The following CACNA1H variants were observed in gnomAD, a reference collection of about 807,000 sequenced individuals.
CACNA1H encodes the protein calcium voltage-gated channel subunit alpha1 H.
Under a neutral mutation model 192.5 loss-of-function variants are expected in CACNA1H, and 149 were observed. The observed-to-expected ratio is 0.77, with a 90% CI of 0.68 to 0.89. The LOEUF is 0.89. CACNA1H is among the 40% of genes least tolerant of loss of function. The probability of loss-of-function intolerance (pLI) is 0.00; values close to 1 mark genes in which losing one functional copy is unlikely to be tolerated. For synonymous variants in CACNA1H, 2,202 were observed against 1,475.2 expected (o/e 1.49, Z -11.29); for missense variants, 4,257 against 3,423.5 (o/e 1.24, Z -6.08).
chr16:1,216,278 C>T lies in CACNA1H; in HGVS notation c.5245-654C>T, dbSNP rs115920795. ...CTGTCCCCACTCACCCTGTCCTCAGCGGCGTGCCTAGCTTCGTCCAAGTAA... is the reference window on the plus strand; with the variant it reads ...CTGTCCCCACTCACCCTGTCCTCAGTGGCGTGCCTAGCTTCGTCCAAGTAA... On this transcript the variant is annotated intron_variant, in intron 30 of 34. Coordinates refer to ENST00000348261, the MANE Select transcript of CACNA1H (RefSeq NM_021098.3). Among the ~76,000 whole-genome samples the T allele has an allele frequency of 6.8e-3, 1,031 of 152,354 alleles. 13 individuals are homozygous for T. Among genetic ancestry groups the T allele is most frequent in the African/African-American group, 0.024 (978 of 41,576 alleles).
intron 30 of CACNA1H, among the ~76,000 whole-genome samples, chr16:1,216,492 C>T (rs984917754): frequency 2.6e-5 from 4 of 152,062 alleles, no homozygotes; most frequent in Admixed American, 2.0e-4. Context: ...GCCCACCTGC[C>T]GGGACCCCTC....
At position 1,220,451 on chromosome 16, in the gene CACNA1H, T is replaced by C. The variant is rs1970393398; in HGVS notation, c.6519T>C (p.Pro2173=). The change falls in exon 35 of 35, where the codon CCT becomes CCC. Residue 2173 remains proline (P), a synonymous_variant. Transcript: ENST00000348261. Reference sequence around the variant, plus strand: ...CTGGGGAGGCGAAGGCCTGGGGCCCTGAGGCCGAGCCCGCTCTGGGTGCGC... The same window carrying C: ...CTGGGGAGGCGAAGGCCTGGGGCCCCGAGGCCGAGCCCGCTCTGGGTGCGC... ...GEPGEAKAWG[P]EAEPALGARR... is the part of the protein sequence containing the mutation. 3 of 1,539,788 alleles carry C rather than the reference T, an allele frequency of 1.9e-6. No individual in the cohort carries two copies. Among genetic ancestry groups the C allele is most frequent in the Non-Finnish European group, 2.6e-6 (3 of 1,151,944 alleles).
At chr16:1,170,953 C>A (rs1964306824) in intron 2 of CACNA1H, among the ~76,000 whole-genome samples, 1 of 152,200 alleles carries the variant, frequency 6.6e-6, no homozygotes, top group Admixed American at 6.5e-5. Context: ...TGGGGGCCTT[C>A]TGCTCCCCAG....
rs147546950 is a variant in CACNA1H at position 1,203,770 on chromosome 16, G to C, written c.2003-240G>C. Among the ~76,000 whole-genome samples the C allele has an allele frequency of 1.8e-3, 270 of 152,226 alleles. 3 individuals carry two copies. The highest frequency in any genetic ancestry group is 6.4e-3 in the East Asian group (33 of 5,180). ...ATGGCTCTTTGGTTTCTTCTTATTG[G>C]AACAGTCGTGGCTCAGGGCCCTCCC... On this transcript the variant is annotated intron_variant, in intron 9 of 34. Transcript: ENST00000348261.
intron 33 of CACNA1H, 31 bp downstream of exon 33, chr16:1,218,682 G>C (rs1324215161): frequency 2.0e-6 from 3 of 1,506,782 alleles, no homozygotes; most frequent in Non-Finnish European, 2.7e-6. Context: ...ATATGGGCTG[G>C]GTGGGAAGCA....
At chr16:1,203,844 G>T (rs1968311129) in intron 9 of CACNA1H, among the ~76,000 whole-genome samples, 166 bp from the exon 10 acceptor site, 1 of 152,228 alleles carries the variant, frequency 6.6e-6, no homozygotes, top group Non-Finnish European at 1.5e-5. Flanking sequence ...CACCTGCAAA[G>T]ATCCTGCTTT....
rs762976881 is a variant in CACNA1H, at chr16:1,210,984, C to A, written c.4223+13C>A. On this transcript the variant is annotated intron_variant, in intron 21 of 34. Transcript: ENST00000348261. ...TGCGGCCTCTGAGGTGGGGGGCTCCCCGTGGGCTCCCGGGGCAACCTGGAA... is the reference window on the plus strand; with the variant it reads ...TGCGGCCTCTGAGGTGGGGGGCTCCACGTGGGCTCCCGGGGCAACCTGGAA... The A allele has an allele frequency of 1.6e-5, 26 of 1,589,720 alleles. No homozygotes were observed. The highest frequency in any genetic ancestry group is 8.0e-5 in the African/African-American group (6 of 74,698).
At chr16:1,216,798 C>G (rs1447172517) in intron 30 of CACNA1H, 134 bp from the exon 31 acceptor site, 2 of 615,450 alleles carry the variant, frequency 3.2e-6, no homozygotes, top group Non-Finnish European at 5.3e-6. Flanking sequence ...CTTGCTTCCA[C>G]TTGGCCGGGC....
rs765311471 is a variant in CACNA1H, at chr16:1,209,250, G to T, written c.3582G>T (p.Arg1194=). The part of the protein sequence containing the change: ...AAPGPRATPL[R]RAESLDPRPL... Reference sequence around the variant, plus strand: ...CCGGGCCCCGTGCCACCCCACTGCGGCGGGCCGAGTCCCTGGACCCACGGC... The same window carrying T: ...CCGGGCCCCGTGCCACCCCACTGCGTCGGGCCGAGTCCCTGGACCCACGGC... The change falls in exon 17 of 35, where the codon CGG becomes CGT. Residue 1194 remains arginine (R), a synonymous_variant. Coordinates refer to ENST00000348261, the MANE Select transcript of CACNA1H (RefSeq NM_021098.3). The T allele has an allele frequency of 6.5e-7, 1 of 1,544,734 alleles. No individual in the cohort carries two copies. Among genetic ancestry groups the T allele is most frequent in the Non-Finnish European group, 8.7e-7 (1 of 1,147,896 alleles).
Position 1,204,040 on chromosome 16 carries a change from G to A in CACNA1H, c.2033G>A (p.Gly678Asp). 2.5e-6 allele frequency: 4 copies of A among 1,574,912 alleles called. No homozygotes were observed. Among genetic ancestry groups the A allele is most frequent in the Non-Finnish European group, 3.4e-6 (4 of 1,161,172 alleles). ...GLGQAPGHLS[G>D]LSVPCPLPSP... ...GGCCAGGCCCCTGGCCATCTGTCGG[G>A]CCTCAGTGTGCCCTGCCCCCTGCCC... Residue 678 changes from glycine (G) to aspartate (D), a missense_variant, in exon 10 of 35, where the codon GGC becomes GAC. Transcript: ENST00000348261.
intron 31 of CACNA1H, 42 bp from the exon 32 acceptor site, chr16:1,217,877 G>T: frequency 1.3e-6 from 2 of 1,557,496 alleles, no homozygotes; most frequent in East Asian, 2.4e-5. Context: ...GCCTCCACCC[G>T]GAGCGGGCTC....
intron 2 of CACNA1H, among the ~76,000 whole-genome samples, chr16:1,164,633 G>A (rs1963570972): frequency 6.6e-6 from 1 of 152,256 alleles, no homozygotes; most frequent in African/African-American, 2.4e-5. Context: ...GCTCACTGCT[G>A]CACAGAATGG....
At chr16:1,202,496 G>T (rs1212124436) in intron 9 of CACNA1H, 44 bp downstream of exon 9, 1 of 1,422,504 alleles carries the variant, frequency 7.0e-7, no homozygotes, top group East Asian at 2.5e-5. Flanking sequence ...GTGGGACCTA[G>T]GCAGGGCGGG....
At chr16:1,210,537 G>C in intron 19 of CACNA1H, 44 bp downstream of exon 19, 3 of 1,610,678 alleles carry the variant, frequency 1.9e-6, no homozygotes, top group Non-Finnish European at 2.5e-6. Context: ...ACGACCCCCA[G>C]GGAGGGGTGG....
At chr16:1,195,664 G>C in intron 4 of CACNA1H, 99 bp downstream of exon 4, 1 of 1,360,334 alleles carries the variant, frequency 7.4e-7, no homozygotes, top group Non-Finnish European at 1.0e-6. Flanking sequence ...TGGGAGGTGT[G>C]TTCTAGAGGG....
intron 9 of CACNA1H, among the ~76,000 whole-genome samples, chr16:1,203,496 TGTGTGTGCCCAG>T (rs1336819235): frequency 4.6e-5 from 7 of 152,118 alleles, no homozygotes; most frequent in South Asian, 4.2e-4. Flanking sequence ...GGGGGTTGGG[TGTGTGTGCCCAG>T]GTGTGTGCCC....
In CACNA1H at chr16:1,220,135, G is replaced by A. The variant is rs765706404; in HGVS notation, c.6203G>A (p.Arg2068His). 90 of 1,496,708 alleles carry A rather than the reference G, an allele frequency of 6.0e-5. No individual in the cohort carries two copies. Among genetic ancestry groups the A allele is most frequent in the Non-Finnish European group, 7.7e-5 (87 of 1,124,204 alleles). 92.7% of individuals were successfully genotyped at this position (1,496,708 alleles called of 1,614,324 possible). A position where few individuals can be genotyped will look rare whatever the true frequency, so the allele number is the denominator to read the frequency against. Residue 2068 changes from arginine (R) to histidine (H), a missense_variant, in exon 35 of 35, where the codon CGC (arginine) becomes CAC (histidine). Coordinates refer to ENST00000348261, the MANE Select transcript of CACNA1H (RefSeq NM_021098.3). ...CGCTCCCCACGGCCCGCCAGCGTCCGCACTCGTAAGCATACCTTCGGACAG... is the reference window on the plus strand; with the variant it reads ...CGCTCCCCACGGCCCGCCAGCGTCCACACTCGTAAGCATACCTTCGGACAG... ...PPRSPRPASV[R>H]TRKHTFGQRC...
In CACNA1H at chr16:1,180,721, G is replaced by T. The variant is rs1195806568; in HGVS notation, c.300-14251G>T. Among the ~76,000 whole-genome samples, 1 of 152,136 alleles carries T rather than the reference G, an allele frequency of 6.6e-6. No homozygotes were observed. The highest frequency in any genetic ancestry group is 1.5e-5 in the Non-Finnish European group (1 of 68,000). ...AGGTGCAGACTGGGGAGAGTGCAGG[G>T]TGTGCAGCGGGGGCTGGGATGCCGC... On this transcript the variant is annotated intron_variant, in intron 2 of 34. Coordinates refer to ENST00000348261, the MANE Select transcript of CACNA1H (RefSeq NM_021098.3). The surrounding 1 kb of genome is among the most constrained non-coding windows in gnomAD (Gnocchi z 4.4).
chr16:1,210,001 G>T, intron 17 of CACNA1H, 34 bp from the exon 18 acceptor site: 3 of 1,499,950 alleles, frequency 2.0e-6, no homozygotes, highest in Non-Finnish European at 1.8e-6. Flanking sequence ...GCAGGCAGGC[G>T]CAGGCTCTGA....
Sources: allele counts gnomAD v4.1 joint callset (sites outside exome capture counted in the v4.1 genomes callset), GRCh38; gene constraint gnomAD v4.1.1; non-coding constraint Gnocchi (gnomAD v3.1); transcripts MANE v1.5; gene names NCBI Gene and HGNC (gene_info 2026-07-23, HGNC 2026-07-21).